Variants in WDR70 observed in about 807,000 individuals in gnomAD.
WDR70 encodes the protein WD repeat domain 70, also known as WD repeat-containing protein 70.
In WDR70, 53 loss-of-function variants were observed where a neutral mutation model predicts 88.6. That is an observed-to-expected ratio of 0.60 (90% confidence interval 0.48 to 0.75). The LOEUF (loss-of-function observed/expected upper bound fraction) is 0.75. WDR70 is among the 30% of genes least tolerant of loss of function. The pLI, the probability that WDR70 is intolerant of heterozygous loss-of-function variation, is 0.00. For synonymous variants in WDR70, 280 were observed against 270.0 expected (o/e 1.04, Z -0.36); for missense variants, 610 against 823.2 (o/e 0.74, Z 3.17).
At chr5:37,527,359 C>T (rs191308710) in intron 9 of WDR70, among the ~76,000 whole-genome samples, 5,279 of 152,098 alleles carry the variant, frequency 0.035, 307 homozygotes, top group African/African-American at 0.12. Flanking sequence ...CTTTGACAAA[C>T]CTGACAAAAA....
At chr5:37,642,497 T>C (rs1189247166) in intron 10 of WDR70, among the ~76,000 whole-genome samples, 2 of 152,172 alleles carry the variant, frequency 1.3e-5, no homozygotes, top group Non-Finnish European at 2.9e-5. Flanking sequence ...CACATCAGGG[T>C]AAATGGGATA....
At chr5:37,750,530 T>A (rs1748774695) in intron 17 of WDR70, among the ~76,000 whole-genome samples, 1 of 152,100 alleles carries the variant, frequency 6.6e-6, no homozygotes, top group South Asian at 2.1e-4. Flanking sequence ...AAAGACCCTG[T>A]CTCTAAAAAA....
intron 9 of WDR70, among the ~76,000 whole-genome samples, chr5:37,549,310 T>C (rs528406489): frequency 9.1e-4 from 138 of 152,328 alleles, no homozygotes; most frequent in African/African-American, 3.3e-3. Context: ...CTTCAATTTC[T>C]TTCATCAGTT....
intron 5 of WDR70, among the ~76,000 whole-genome samples, chr5:37,409,596 C>A (rs373186220): frequency 4.6e-5 from 7 of 151,516 alleles, no homozygotes; most frequent in African/African-American, 1.7e-4. Context: ...CCTCTGACTT[C>A]TGGGTTCAAG....
intron 9 of WDR70, among the ~76,000 whole-genome samples, chr5:37,540,821 C>T (rs1741794185): frequency 6.6e-6 from 1 of 152,224 alleles, no homozygotes; most frequent in East Asian, 1.9e-4. Context: ...AAATGTGTTT[C>T]ATGATGCCTT....
At chr5:37,647,722 A>C (rs1302714326) in intron 10 of WDR70, among the ~76,000 whole-genome samples, 2 of 152,152 alleles carry the variant, frequency 1.3e-5, no homozygotes, top group African/African-American at 4.8e-5. Context: ...TTACTCCCAA[A>C]CTTACTTTGT....
chr5:37,606,321 A>C (rs1474681332), intron 10 of WDR70, among the ~76,000 whole-genome samples: 1 of 152,180 alleles, frequency 6.6e-6, no homozygotes, highest in Non-Finnish European at 1.5e-5. Flanking sequence ...TAAACCTCAT[A>C]AAGCTTCATA....
At chr5:37,422,587 T>C (rs1749979003) in intron 5 of WDR70, among the ~76,000 whole-genome samples, 1 of 152,016 alleles carries the variant, frequency 6.6e-6, no homozygotes, top group African/African-American at 2.4e-5. Flanking sequence ...AAGTGATTCT[T>C]GTGCCTCAGC....
At chr5:37,672,417 T>G (rs1043404792) in intron 10 of WDR70, among the ~76,000 whole-genome samples, 4 of 152,098 alleles carry the variant, frequency 2.6e-5, no homozygotes, top group Non-Finnish European at 4.4e-5. Flanking sequence ...AATGTCTAGG[T>G]GTAAAACCCG....
chr5:37,414,857 A>T (rs1388744746), intron 5 of WDR70, among the ~76,000 whole-genome samples: 1 of 150,012 alleles, frequency 6.7e-6, no homozygotes, highest in Admixed American at 6.6e-5. Context: ...TCATAGGACA[A>T]TAGTGGAGGG....
chr5:37,693,300 G>A (rs1448129721), intron 10 of WDR70, among the ~76,000 whole-genome samples: 2 of 152,158 alleles, frequency 1.3e-5, no homozygotes, highest in Non-Finnish European at 2.9e-5. Flanking sequence ...GTAATTTATA[G>A]ATTCAATGCC....
At chr5:37,434,239 A>G (rs1476129949) in intron 5 of WDR70, among the ~76,000 whole-genome samples, 4 of 152,214 alleles carry the variant, frequency 2.6e-5, no homozygotes, top group African/African-American at 9.7e-5. Context: ...GGAGAACAGC[A>G]TGGGGAAACT....
intron 3 of WDR70, among the ~76,000 whole-genome samples, chr5:37,383,566 C>G (rs192518536): frequency 4.3e-4 from 65 of 150,354 alleles, no homozygotes; most frequent in African/African-American, 1.5e-3. Flanking sequence ...CAGGCCAAAA[C>G]CCATCATTAT....
chr5:37,552,355 G>A (rs1742171199), intron 9 of WDR70, among the ~76,000 whole-genome samples: 1 of 152,134 alleles, frequency 6.6e-6, no homozygotes, highest in African/African-American at 2.4e-5. Context: ...CAACGTATTT[G>A]TCCTTTCTGA....
intron 7 of WDR70, among the ~76,000 whole-genome samples, chr5:37,470,807 T>C (rs1739304215): frequency 6.6e-6 from 1 of 152,176 alleles, no homozygotes; most frequent in African/African-American, 2.4e-5. Context: ...TTGGAACATA[T>C]ATTTGCTTTT....
At chr5:37,746,965 C>T (rs1302713696) in intron 17 of WDR70, among the ~76,000 whole-genome samples, 1 of 151,976 alleles carries the variant, frequency 6.6e-6, no homozygotes, top group Non-Finnish European at 1.5e-5. Flanking sequence ...GAAACACACA[C>T]AAAAAAGAAA....
chr5:37,460,727 A>T (rs1738970476), intron 7 of WDR70, among the ~76,000 whole-genome samples: 1 of 150,418 alleles, frequency 6.6e-6, no homozygotes, highest in Non-Finnish European at 1.5e-5. Context: ...AAAAAATAAA[A>T]ACAAAAAGAA....
intron 10 of WDR70, among the ~76,000 whole-genome samples, chr5:37,621,102 T>C (rs1167873989): frequency 6.6e-6 from 1 of 152,040 alleles, no homozygotes; most frequent in Non-Finnish European, 1.5e-5. Context: ...CCAAAATTAG[T>C]TTGCAAGGCT....
At chr5:37,725,928 C>G (rs1747957766) in intron 16 of WDR70, among the ~76,000 whole-genome samples, 1 of 152,242 alleles carries the variant, frequency 6.6e-6, no homozygotes, top group South Asian at 2.1e-4. Flanking sequence ...CAGTCCAAAT[C>G]AAATCTACCC....
Sources: allele counts gnomAD v4.1 joint callset (sites outside exome capture counted in the v4.1 genomes callset), GRCh38; gene constraint gnomAD v4.1.1; transcripts MANE v1.5; gene names NCBI Gene and HGNC (gene_info 2026-07-23, HGNC 2026-07-21).